PARD3B: variants seen among roughly 807,000 people sequenced by gnomAD.
PARD3B encodes par-3 family cell polarity regulator beta.
PARD3B carries 103 observed loss-of-function variants against 130.2 expected under a neutral mutation model. The ratio of observed to expected loss-of-function variants is 0.79; its 90% CI spans 0.67 to 0.93. The LOEUF (loss-of-function observed/expected upper bound fraction) is 0.93, where lower values mean the gene tolerates loss of function less well. PARD3B is among the 40% of genes least tolerant of loss of function. PARD3B has a pLI of 0.00. For missense variants in PARD3B, 1,609 were observed against 1,499.2 expected (o/e 1.07, Z -1.21); for synonymous variants, 583 against 553.2 (o/e 1.05, Z -0.76).
At chr2:205,155,162 A>G (rs1200235243) in intron 10 of PARD3B, among the ~76,000 whole-genome samples, 1 of 152,204 alleles carries the variant, frequency 6.6e-6, no homozygotes, top group East Asian at 1.9e-4. Context: ...AATGAAAAAC[A>G]ACTTATTGGT....
intron 15 of PARD3B, among the ~76,000 whole-genome samples, chr2:205,222,371 G>A (rs941862880): frequency 6.6e-6 from 1 of 152,088 alleles, no homozygotes; most frequent in East Asian, 1.9e-4. Flanking sequence ...GCTGTTCCAC[G>A]TACAAACTTT....
In PARD3B at chr2:205,499,889, C is replaced by A; in HGVS notation, c.3045-7C>A. The A allele has an allele frequency of 6.2e-7, 1 of 1,612,818 alleles. No homozygotes were observed. Among genetic ancestry groups the A allele is most frequent in the Non-Finnish European group, 8.5e-7 (1 of 1,179,082 alleles). On this transcript the variant is annotated splice_region_variant and splice_polypyrimidine_tract_variant and intron_variant, in intron 20 of 22. Coordinates refer to ENST00000406610, the MANE Select transcript of PARD3B (RefSeq NM_001302769.2). Reference sequence around the variant, plus strand: ...TGTGAATCTGATTATTTGTCTATATCCTGTAGTGGCCGTCCTACGGGTGGA... The same window carrying A: ...TGTGAATCTGATTATTTGTCTATATACTGTAGTGGCCGTCCTACGGGTGGA...
chr2:205,547,032 G>GT (rs1425356978), intron 21 of PARD3B, among the ~76,000 whole-genome samples: 2 of 151,994 alleles, frequency 1.3e-5, no homozygotes, highest in Admixed American at 6.6e-5. Context: ...GATTAAATCT[G>GT]TTTTTTTGGA....
chr2:205,123,444 G>C (rs2030997164), intron 8 of PARD3B, among the ~76,000 whole-genome samples: 1 of 150,572 alleles, frequency 6.6e-6, no homozygotes, highest in Non-Finnish European at 1.5e-5. Context: ...TAGAGATTTA[G>C]GTCTCTTTCA....
intron 4 of PARD3B, among the ~76,000 whole-genome samples, chr2:205,064,999 A>G (rs1700279143): frequency 6.6e-6 from 1 of 152,200 alleles, no homozygotes; most frequent in Non-Finnish European, 1.5e-5. Context: ...ATCTTTGGGA[A>G]CAAGGTCTGG....
chr2:205,301,959 T>C lies in PARD3B; in HGVS notation c.2630+258T>C. On this transcript the variant is annotated intron_variant, in intron 18 of 22. Transcript: ENST00000406610. The surrounding 1 kb of genome is among the most constrained non-coding windows in gnomAD (Gnocchi z 5.2). ...TATGCCAGGCACGGTGGCTCATGCC[T>C]GTAATCTCAGTACTTTGGGAGGCTG... is the stretch of plus-strand genomic sequence containing the variant. The C allele has an allele frequency of 2.8e-6, 2 of 703,626 alleles. No individual in the cohort carries two copies. Among genetic ancestry groups the C allele is most frequent in the Non-Finnish European group, 5.2e-6 (2 of 387,310 alleles). The allele number at this position is 703,626 out of a possible 1,614,324, so 43.6% of individuals were successfully genotyped here.
chr2:205,034,197 G>A (rs141160084), intron 3 of PARD3B, among the ~76,000 whole-genome samples: 36 of 152,198 alleles, frequency 2.4e-4, no homozygotes, highest in African/African-American at 7.7e-4. Context: ...CTTTGCGCCT[G>A]TAGCTTTGTT....
rs2041988796 is a variant in PARD3B, at chr2:205,301,320, T to C, written c.2393-144T>C. Reference sequence around the variant, plus strand: ...TAACCAGATTTAGGCAGTCAGATCTTCAAAGGGCGCACGTAACCACATAGA... The same window carrying C: ...TAACCAGATTTAGGCAGTCAGATCTCCAAAGGGCGCACGTAACCACATAGA... On this transcript the variant is annotated intron_variant, in intron 17 of 22. Transcript: ENST00000406610. This position sits in a 1 kb window ranked among gnomAD's most constrained non-coding sequence, Gnocchi z 5.2. The C allele has an allele frequency of 7.2e-7, 1 of 1,393,320 alleles. No homozygotes were observed. The highest frequency in any genetic ancestry group is 9.6e-7 in the Non-Finnish European group (1 of 1,043,504). 86.3% of individuals were successfully genotyped at this position (1,393,320 alleles called of 1,614,324 possible).
intron 16 of PARD3B, among the ~76,000 whole-genome samples, chr2:205,290,726 C>CA (rs1172236478): frequency 6.6e-6 from 1 of 152,068 alleles, no homozygotes; most frequent in African/African-American, 2.4e-5. Flanking sequence ...TTGTTTCCCC[C>CA]AAAAAATCAT....
At chr2:204,626,733 G>A (rs893216328) in intron 1 of PARD3B, among the ~76,000 whole-genome samples, 1 of 151,908 alleles carries the variant, frequency 6.6e-6, no homozygotes, top group Non-Finnish European at 1.5e-5. Flanking sequence ...TATCAGTTTT[G>A]TGATGTGTTT....
intron 4 of PARD3B, among the ~76,000 whole-genome samples, chr2:205,089,886 C>T (rs182387833): frequency 1.3e-5 from 2 of 152,228 alleles, no homozygotes; most frequent in African/African-American, 4.8e-5. Context: ...GAAAATTAAC[C>T]AATATGTTTG....
intron 1 of PARD3B, among the ~76,000 whole-genome samples, chr2:204,592,263 G>A (rs528674951): frequency 6.6e-6 from 1 of 152,316 alleles, no homozygotes; most frequent in East Asian, 1.9e-4. Flanking sequence ...CATTTTCCAT[G>A]GAAATCCATA....
chr2:204,651,294 A>G (rs537477229), intron 1 of PARD3B, among the ~76,000 whole-genome samples: 4 of 152,344 alleles, frequency 2.6e-5, no homozygotes, highest in South Asian at 4.1e-4. Flanking sequence ...TTCCAATACA[A>G]TGGGGGTACA....
intron 19 of PARD3B, among the ~76,000 whole-genome samples, chr2:205,437,006 G>A (rs551119204): frequency 4.0e-5 from 6 of 151,642 alleles, no homozygotes; most frequent in African/African-American, 9.7e-5. Flanking sequence ...AAGAATTACC[G>A]TACAATTCCA....
chr2:205,406,341 A>G (rs2046415569), intron 19 of PARD3B, among the ~76,000 whole-genome samples: 1 of 152,114 alleles, frequency 6.6e-6, no homozygotes, highest in Non-Finnish European at 1.5e-5. Flanking sequence ...TTATTTTAAG[A>G]GAGGTAGTAT....
At chr2:204,801,289 A>G (rs982370086) in intron 2 of PARD3B, among the ~76,000 whole-genome samples, 1 of 152,356 alleles carries the variant, frequency 6.6e-6, no homozygotes, top group East Asian at 1.9e-4. Context: ...CATTGAATCT[A>G]TAAATTACTT....
In PARD3B at chr2:204,712,858, G is replaced by A. The variant is rs563495494; in HGVS notation, c.222+26576G>A. On this transcript the variant is annotated intron_variant, in intron 2 of 22. Coordinates refer to ENST00000406610, the MANE Select transcript of PARD3B (RefSeq NM_001302769.2). ...AATAAGTTTATCATTACACCAATTG[G>A]TATTATAGAATATTCCATATGTATA... Among the ~76,000 whole-genome samples, 5 of 152,030 alleles carry A rather than the reference G, an allele frequency of 3.3e-5. No individual in the cohort carries two copies. In the South Asian group the frequency reaches 1.0e-3, roughly 32 times the overall value.
rs200336749 is a variant in PARD3B, at chr2:205,440,361, A to G, written c.2742-9A>G. 13 of 1,612,902 alleles carry G rather than the reference A, an allele frequency of 8.1e-6. No homozygotes were observed. The highest frequency in any genetic ancestry group is 1.1e-5 in the Non-Finnish European group (13 of 1,179,084). ...CATACATCTTTGCTACCTGTACTGTATTTTTCAGGATTGGAGCAAAACATC... is the reference window on the plus strand; with the variant it reads ...CATACATCTTTGCTACCTGTACTGTGTTTTTCAGGATTGGAGCAAAACATC... On this transcript the variant is annotated splice_polypyrimidine_tract_variant and intron_variant, in intron 19 of 22. Coordinates refer to ENST00000406610, the MANE Select transcript of PARD3B (RefSeq NM_001302769.2). This position sits in a 1 kb window ranked among gnomAD's most constrained non-coding sequence, Gnocchi z 4.2.
At chr2:205,207,981 C>T (rs944035846) in intron 15 of PARD3B, among the ~76,000 whole-genome samples, 1 of 91,744 alleles carries the variant, frequency 1.1e-5, no homozygotes, top group Non-Finnish European at 2.0e-5. Flanking sequence ...AAAATACTGG[C>T]AAAACGAATC....
Sources: gnomAD v4.1 joint callset for allele counts (sites outside exome capture counted in the v4.1 genomes callset) on GRCh38, gnomAD v4.1.1 for gene constraint, Gnocchi (gnomAD v3.1) non-coding constraint, MANE v1.5 for transcripts, NCBI Gene and HGNC (gene_info 2026-07-23, HGNC 2026-07-21) for gene names.